The following SPOCK1 variants were observed in gnomAD, a reference collection of about 807,000 sequenced individuals.
The protein encoded by SPOCK1 is testican-1.
In SPOCK1, 23 loss-of-function variants were observed where a neutral mutation model predicts 55.3. The observed-to-expected ratio is 0.42, with a 90% CI of 0.30 to 0.59. The LOEUF (loss-of-function observed/expected upper bound fraction) is 0.59. Ranked by LOEUF, SPOCK1 falls within the 20% of genes least tolerant of loss-of-function variation. The pLI, the probability that SPOCK1 is intolerant of heterozygous loss-of-function variation, is 0.22. For synonymous variants in SPOCK1, 226 were observed against 221.0 expected, an observed-to-expected ratio of 1.02 and a Z score of -0.20; for missense variants, 499 against 552.5, an observed-to-expected ratio of 0.90 and a Z score of 0.97.
At chr5:137,467,820 G>A (rs1298653231) in intron 2 of SPOCK1, among the ~76,000 whole-genome samples, 1 of 152,168 alleles carries the variant, frequency 6.6e-6, no homozygotes, top group African/African-American at 2.4e-5. Flanking sequence ...GAAGGGTGGA[G>A]GCAGATATGT....
chr5:137,189,974 A>C (rs1755147260), intron 3 of SPOCK1, among the ~76,000 whole-genome samples: 1 of 126,682 alleles, frequency 7.9e-6, no homozygotes, highest in South Asian at 2.9e-4. Flanking sequence ...AAATAGCAAG[A>C]GAACTAGAAG....
At chr5:136,996,002 T>G (rs901922315) in intron 6 of SPOCK1, among the ~76,000 whole-genome samples, 1 of 152,182 alleles carries the variant, frequency 6.6e-6, no homozygotes, top group Non-Finnish European at 1.5e-5. Flanking sequence ...TGGAGCTTGA[T>G]ACATCCCAAA....
intron 6 of SPOCK1, among the ~76,000 whole-genome samples, chr5:137,018,721 A>C (rs1751501502): frequency 6.6e-6 from 1 of 152,094 alleles, no homozygotes; most frequent in South Asian, 2.1e-4. Flanking sequence ...TTGAGTATAT[A>C]TTTTACCTTG....
intron 4 of SPOCK1, among the ~76,000 whole-genome samples, chr5:137,138,045 A>G (rs1472571487): frequency 6.6e-6 from 1 of 152,214 alleles, no homozygotes; most frequent in Non-Finnish European, 1.5e-5. Context: ...GAATTACTAG[A>G]GGATGTGTTC....
At chr5:137,298,479 G>A (rs1389837679) in intron 2 of SPOCK1, among the ~76,000 whole-genome samples, 17 of 152,114 alleles carry the variant, frequency 1.1e-4, no homozygotes, top group South Asian at 2.1e-4. Flanking sequence ...TCTTTTGGGT[G>A]AACTGTTCCA....
At chr5:137,190,997 A>G (rs576765809) in intron 3 of SPOCK1, among the ~76,000 whole-genome samples, 1 of 152,222 alleles carries the variant, frequency 6.6e-6, no homozygotes, top group Non-Finnish European at 1.5e-5. Context: ...GCAAGCCTTG[A>G]AAGACCTTCC....
chr5:137,309,466 C>T (rs1022152740), intron 2 of SPOCK1, among the ~76,000 whole-genome samples: 10 of 152,214 alleles, frequency 6.6e-5, no homozygotes, highest in African/African-American at 2.4e-4. Flanking sequence ...CAAACCTCCC[C>T]TCCTCCTGAA....
chr5:137,191,841 C>T (rs1755186149), intron 3 of SPOCK1, among the ~76,000 whole-genome samples: 1 of 152,324 alleles, frequency 6.6e-6, no homozygotes, highest in East Asian at 1.9e-4. Context: ...AGAAAATTCC[C>T]AATGTCTGCA....
intron 2 of SPOCK1, among the ~76,000 whole-genome samples, chr5:137,361,895 G>A (rs532816323): frequency 6.6e-6 from 1 of 152,278 alleles, no homozygotes; most frequent in African/African-American, 2.4e-5. Flanking sequence ...AGGAGCTCCT[G>A]CCTCTCCCAA....
chr5:137,090,050 T>C (rs1349577975), intron 5 of SPOCK1, among the ~76,000 whole-genome samples: 2 of 152,124 alleles, frequency 1.3e-5, no homozygotes, highest in Non-Finnish European at 2.9e-5. Context: ...GCTGATTTGG[T>C]TGGGACTACA....
intron 3 of SPOCK1, among the ~76,000 whole-genome samples, chr5:137,244,500 C>CA (rs1756357386): frequency 6.6e-6 from 1 of 152,098 alleles, no homozygotes; most frequent in East Asian, 1.9e-4. Flanking sequence ...TAGATGCTTC[C>CA]AAAAAGCCAT....
At chr5:136,994,189 T>C (rs559120883) in intron 6 of SPOCK1, among the ~76,000 whole-genome samples, 15 of 152,332 alleles carry the variant, frequency 9.8e-5, no homozygotes, top group Non-Finnish European at 1.6e-4. Flanking sequence ...ATGGAATGAA[T>C]GCATGTCCAG....
chr5:137,112,619 C>T, intron 4 of SPOCK1, 58 bp from the exon 5 acceptor site: 1 of 1,567,730 alleles, frequency 6.4e-7, no homozygotes. Context: ...ATGAGTCTTT[C>T]CTCTAAGTTC....
intron 5 of SPOCK1, among the ~76,000 whole-genome samples, chr5:137,072,564 T>C (rs1402691148): frequency 6.6e-6 from 1 of 152,216 alleles, no homozygotes; most frequent in Non-Finnish European, 1.5e-5. Flanking sequence ...CATAACACTC[T>C]AATACATTGG....
chr5:137,214,012 CA>C (rs1297471041), intron 3 of SPOCK1, among the ~76,000 whole-genome samples: 2 of 152,084 alleles, frequency 1.3e-5, no homozygotes. Context: ...AAACTGCAAC[CA>C]AAACTCAAGT....
At chr5:137,479,323 G>A (rs1753900586) in intron 2 of SPOCK1, among the ~76,000 whole-genome samples, 1 of 152,186 alleles carries the variant, frequency 6.6e-6, no homozygotes, top group Non-Finnish European at 1.5e-5. Flanking sequence ...AGTTTAGGGA[G>A]CATCATAAAC....
chr5:137,024,317 G>GGGC lies in SPOCK1; in HGVS notation c.590-31718_590-31717insGCC, dbSNP rs1554093478. Among the ~76,000 whole-genome samples the GGGC allele has an allele frequency of 3.9e-3, 345 of 89,228 alleles. 7 individuals carry two copies. The highest frequency in any genetic ancestry group is 0.01 in the African/African-American group (326 of 31,504). 58.5% of individuals were successfully genotyped at this position (89,228 alleles called of 152,430 possible). On this transcript the variant is annotated intron_variant, in intron 6 of 10. Coordinates refer to ENST00000394945, the MANE Select transcript of SPOCK1 (RefSeq NM_004598.4). ...GCACTAAATTGCACCAGTTTGAAGG[G>GGGC]GGGGGGGTAGTTACAACTGACTGCT...
chr5:136,976,241 T>TG lies in SPOCK1; in HGVS notation c.*2412dup, dbSNP rs1366848353. 11 of 152,424 alleles carry TG rather than the reference T, an allele frequency of 7.2e-5. No homozygotes were observed. The highest frequency in any genetic ancestry group is 2.4e-4 in the African/African-American group (10 of 41,584). 9.4% of individuals were successfully genotyped at this position (152,424 alleles called of 1,614,324 possible). ...TATTATTAATGTGGCTCCATCGATT[T>TG]GGGGGTTCCAATCTGAGGAGGGCTT... On this transcript the variant is annotated 3_prime_UTR_variant, in exon 11 of 11. Transcript: ENST00000394945.
At position 137,054,243 on chromosome 5, in the gene SPOCK1, G is replaced by A. The variant is rs186935495; in HGVS notation, c.589+13472C>T. Among the ~76,000 whole-genome samples the A allele has an allele frequency of 1.3e-3, 196 of 152,272 alleles. No individual in the cohort carries two copies. The Middle Eastern group carries it at 0.017, about 13-fold the overall frequency. ...GAAAACTGAGACTCAGAGAAGTTAAGTAGCTTGCCCAAAGCCACATAGCTA... is the reference window on the plus strand; with the variant it reads ...GAAAACTGAGACTCAGAGAAGTTAAATAGCTTGCCCAAAGCCACATAGCTA... On this transcript the variant is annotated intron_variant, in intron 6 of 10. Coordinates refer to ENST00000394945, the MANE Select transcript of SPOCK1 (RefSeq NM_004598.4).
Sources: gnomAD v4.1 joint callset for allele counts (sites outside exome capture counted in the v4.1 genomes callset) on GRCh38, gnomAD v4.1.1 for gene constraint, MANE v1.5 for transcripts, NCBI Gene and HGNC (gene_info 2026-07-23, HGNC 2026-07-21) for gene names.